FCN2: variants seen among roughly 807,000 people sequenced by gnomAD.
FCN2 encodes the protein ficolin 2, also known as ficolin-2.
Under a neutral mutation model 32.5 loss-of-function variants are expected in FCN2, and 31 were observed. The ratio of observed to expected loss-of-function variants is 0.96; its 90% CI spans 0.72 to 1.29. FCN2 has a LOEUF of 1.29. Ranked by LOEUF, FCN2 falls within the 50% of genes most tolerant of loss-of-function variation. The pLI, the probability that FCN2 is intolerant of heterozygous loss-of-function variation, is 0.00. For synonymous variants in FCN2, 181 were observed against 164.5 expected (o/e 1.10, Z -0.77); for missense variants, 412 against 406.5 (o/e 1.01, Z -0.12).
the FCN2 span, among the ~76,000 whole-genome samples, chr9:134,870,223 A>G: frequency 6.6e-6 from 1 of 152,200 alleles, no homozygotes; most frequent in African/African-American, 2.4e-5. This position sits in a 1 kb window ranked among gnomAD's most constrained non-coding sequence, Gnocchi z 4.3. Flanking sequence ...TGTGGGAGAC[A>G]GCAGCCCCCA....
rs1366523691 is a variant in FCN2 at position 134,883,364 on chromosome 9, G to A, written c.268+9G>A. 6.2e-7 allele frequency: 1 copy of A among 1,612,938 alleles called. No homozygotes were observed. The highest frequency in any genetic ancestry group is 8.5e-7 in the Non-Finnish European group (1 of 1,179,042). ...ACCACCTGGGCCCAACGGTAAGGAG[G>A]GGACAAGAGTGAGAAGCGGCTTCAA... On this transcript the variant is annotated intron_variant, in intron 3 of 7. Coordinates refer to ENST00000291744, the MANE Select transcript of FCN2 (RefSeq NM_004108.3).
chr9:134,882,198 G>A (rs1031865793), intron 1 of FCN2, among the ~76,000 whole-genome samples: 2 of 152,226 alleles, frequency 1.3e-5, no homozygotes, highest in African/African-American at 2.4e-5. Context: ...GCTCAGAGGG[G>A]TTAAGGGACT....
At position 134,887,331 on chromosome 9, in the gene FCN2, C is replaced by T. The variant is rs1830775001; in HGVS notation, c.858C>T (p.Ser286=). 1.9e-6 allele frequency: 3 copies of T among 1,614,140 alleles called. No individual in the cohort carries two copies. The highest frequency in any genetic ancestry group is 4.5e-5 in the East Asian group (2 of 44,870). Residue 286 remains serine (S), a synonymous_variant, in exon 8 of 8, where the codon AGC becomes AGT. Coordinates refer to ENST00000291744, the MANE Select transcript of FCN2 (RefSeq NM_004108.3). The part of the protein sequence containing the change: ...NGRYLRGTHG[S]FANGINWKSG... Reference sequence around the variant, plus strand: ...GCTACCTCAGGGGGACTCATGGCAGCTTTGCAAATGGCATCAACTGGAAGT... The same window carrying T: ...GCTACCTCAGGGGGACTCATGGCAGTTTTGCAAATGGCATCAACTGGAAGT...
intron 2 of FCN2, among the ~76,000 whole-genome samples, chr9:134,883,016 T>C (rs1830687356): frequency 1.3e-5 from 2 of 152,170 alleles, no homozygotes; most frequent in Non-Finnish European, 2.9e-5. Flanking sequence ...AGTCCAGGGA[T>C]TTCGCTCTGT....
upstream of FCN2, among the ~76,000 whole-genome samples, chr9:134,877,005 G>A (rs1830609461): frequency 6.6e-6 from 1 of 152,184 alleles, no homozygotes; most frequent in Admixed American, 6.5e-5. Flanking sequence ...TGTAGAATAT[G>A]TAGTGAGGTC....
chr9:134,865,198 C>T, the FCN2 span, among the ~76,000 whole-genome samples: 1 of 152,208 alleles, frequency 6.6e-6, no homozygotes, highest in Admixed American at 6.5e-5. Flanking sequence ...CCAGTGAGGT[C>T]GATGTGGCAC....
chr9:134,878,216 G>A (rs1282188673), upstream of FCN2, among the ~76,000 whole-genome samples: 1 of 152,130 alleles, frequency 6.6e-6, no homozygotes, highest in Non-Finnish European at 1.5e-5. Flanking sequence ...CTTTATATAT[G>A]CCTATCCTAT....
At position 134,884,720 on chromosome 9, in the gene FCN2, C is replaced by T; in HGVS notation, c.269-20C>T. On this transcript the variant is annotated intron_variant, in intron 3 of 7. Coordinates refer to ENST00000291744, the MANE Select transcript of FCN2 (RefSeq NM_004108.3). ...GATTTCCAAACTGTGACACGTGTGT[C>T]CTCTCTCATCCATGAACAGGAGCAC... 1 of 1,613,422 alleles carries T rather than the reference C, an allele frequency of 6.2e-7. No homozygotes were observed. The highest frequency in any genetic ancestry group is 8.5e-7 in the Non-Finnish European group (1 of 1,179,448).
At chr9:134,873,561 T>A in the FCN2 span, among the ~76,000 whole-genome samples, 2 of 152,254 alleles carry the variant, frequency 1.3e-5, no homozygotes, top group African/African-American at 4.8e-5. Context: ...CATCTCCCCG[T>A]GTCACGACCC....
the FCN2 span, among the ~76,000 whole-genome samples, chr9:134,869,194 T>G: frequency 6.6e-6 from 1 of 152,230 alleles, no homozygotes; most frequent in African/African-American, 2.4e-5. Flanking sequence ...TTGGGACTCA[T>G]GCATGAGAGC....
rs769205263 is a variant in FCN2, at chr9:134,885,305, T to A, written c.368T>A (p.Leu123Gln). The A allele has an allele frequency of 5.6e-6, 9 of 1,614,080 alleles. No homozygotes were observed. The highest frequency in any genetic ancestry group is 6.8e-6 in the Non-Finnish European group (8 of 1,179,994). ...CTGAGCGGCTGGCACACCATCTACC[T>A]GCCCGACTGCCGGCCCCTGACTGTG... Reference protein sequence around the residue: ...HFLSGWHTIYLPDCRPLTVLC... With the variant: ...HFLSGWHTIYQPDCRPLTVLC... The change falls in exon 5 of 8, where the codon CTG becomes CAG. Residue 123 changes from leucine to glutamine, a missense_variant. Coordinates refer to ENST00000291744, the MANE Select transcript of FCN2 (RefSeq NM_004108.3).
At chr9:134,881,227 G>A (rs548240803) in intron 1 of FCN2, among the ~76,000 whole-genome samples, 1 of 152,320 alleles carries the variant, frequency 6.6e-6, no homozygotes, top group African/African-American at 2.4e-5. Flanking sequence ...GTTGTGTGGG[G>A]AGGTGAGGCT....
At chr9:134,869,510 C>G in the FCN2 span, among the ~76,000 whole-genome samples, 1 of 152,206 alleles carries the variant, frequency 6.6e-6, no homozygotes, top group Non-Finnish European at 1.5e-5. Context: ...GTCTCTCTCC[C>G]GGAGAGGGCT....
chr9:134,886,663 C>A, intron 7 of FCN2, 99 bp downstream of exon 7: 1 of 1,394,714 alleles, frequency 7.2e-7, no homozygotes, highest in Non-Finnish European at 1.0e-6. Flanking sequence ...TGGAAGAGGC[C>A]TCACCTCTCT....
chr9:134,882,597 G>A lies in FCN2; in HGVS notation c.172G>A (p.Ala58Thr). The A allele has an allele frequency of 1.2e-6, 2 of 1,614,118 alleles. No homozygotes were observed. The highest frequency in any genetic ancestry group is 1.7e-6 in the Non-Finnish European group (2 of 1,179,996). Residue 58 changes from alanine (A) to threonine (T), a missense_variant, in exon 2 of 8, where the codon GCC becomes ACC. By Grantham distance (58) the Ala-to-Thr change is moderately conservative. Transcript: ENST00000291744. ...CCGAGGCTGTCCGGGGCTGCCTGGG[G>A]CCCCTGGGCCCAAGGGAGAGGCAGG... is the stretch of plus-strand genomic sequence containing the variant. ...ILRGCPGLPG[A>T]PGPKGEAGTN...
chr9:134,871,003 C>T, the FCN2 span, among the ~76,000 whole-genome samples: 1 of 152,242 alleles, frequency 6.6e-6, no homozygotes, highest in Non-Finnish European at 1.5e-5. Context: ...GTTGCCAGCA[C>T]GGCCGACATG....
chr9:134,867,567 C>G, the FCN2 span, among the ~76,000 whole-genome samples: 1 of 149,790 alleles, frequency 6.7e-6, no homozygotes, highest in Non-Finnish European at 1.5e-5. Context: ...GTGCAGCACA[C>G]CAGCATGGCA....
intron 3 of FCN2, 59 bp from the exon 4 acceptor site, chr9:134,884,681 G>A (rs1830716580): frequency 6.5e-7 from 1 of 1,543,568 alleles, no homozygotes; most frequent in East Asian, 2.2e-5. Context: ...GACCAATGGG[G>A]GCTGAAGGGC....
chr9:134,877,493 C>T (rs1400999316), upstream of FCN2, among the ~76,000 whole-genome samples: 3 of 152,026 alleles, frequency 2.0e-5, no homozygotes, highest in African/African-American at 2.4e-5. Context: ...CATTGTTGTC[C>T]GAGAACATAC....
Sources: gnomAD v4.1 joint callset for allele counts (sites outside exome capture counted in the v4.1 genomes callset) on GRCh38, gnomAD v4.1.1 for gene constraint, Gnocchi (gnomAD v3.1) non-coding constraint, MANE v1.5 for transcripts, NCBI Gene and HGNC (gene_info 2026-07-23, HGNC 2026-07-21) for gene names.